The following CCDC63 variants were observed in gnomAD, a reference collection of about 807,000 sequenced individuals.
CCDC63 encodes coiled-coil domain-containing protein 63.
In CCDC63, 54 loss-of-function variants were observed where a neutral mutation model predicts 63.6. The ratio of observed to expected loss-of-function variants is 0.85; its 90% CI spans 0.68 to 1.07. The LOEUF is 1.07. CCDC63 is among the 50% of genes least tolerant of loss of function. The probability of loss-of-function intolerance (pLI) is 0.00; values close to 1 mark genes in which losing one functional copy is unlikely to be tolerated. For synonymous variants in CCDC63, 253 were observed against 266.1 expected (o/e 0.95, Z 0.48); for missense variants, 637 against 689.6 (o/e 0.92, Z 0.86).
intron 3 of CCDC63, 76 bp downstream of exon 3, chr12:110,853,650 T>G: frequency 6.4e-7 from 1 of 1,560,222 alleles, no homozygotes; most frequent in Non-Finnish European, 8.8e-7. Context: ...GCTTGTCTTC[T>G]GTTCTGTGAC....
chr12:110,852,050 G>T (rs1045038857), intron 1 of CCDC63, among the ~76,000 whole-genome samples: 1 of 152,160 alleles, frequency 6.6e-6, no homozygotes, highest in African/African-American at 2.4e-5. Context: ...AATTGGCTGT[G>T]CAGTGGGTCT....
intron 4 of CCDC63, among the ~76,000 whole-genome samples, chr12:110,866,309 C>CTTTT (rs67350855): frequency 0.029 from 3,936 of 136,988 alleles, 231 homozygotes; most frequent in African/African-American, 0.099. Flanking sequence ...TTAAGCCACT[C>CTTTT]TTTTTTTTTT....
rs1566143477 is a variant in CCDC63 at position 110,904,749 on chromosome 12, C to T, written c.1504C>T (p.Pro502Ser). The change falls in exon 11 of 12, where the codon CCA (proline) becomes TCA (serine). Residue 502 changes from proline to serine, a missense_variant. Physicochemically the swap from Pro to Ser is moderately conservative, Grantham distance 74. Transcript: ENST00000308208. ...CCCAGAACCCATCAAAGTCATCCCC[C>T]CAGTGCTGGGGGCTGACCCCTTCAG... ...KPPEPIKVIP[P>S]VLGADPFSDR... 1 of 1,613,880 alleles carries T rather than the reference C, an allele frequency of 6.2e-7. No homozygotes were observed. The highest frequency in any genetic ancestry group is 1.7e-5 in the Admixed American group (1 of 59,978).
chr12:110,900,093 G>A (rs982295095), intron 10 of CCDC63, among the ~76,000 whole-genome samples: 14 of 152,100 alleles, frequency 9.2e-5, no homozygotes, highest in African/African-American at 2.7e-4. Context: ...GTACACTGTA[G>A]TCCCAGATAC....
intron 2 of CCDC63, 97 bp from the exon 3 acceptor site, chr12:110,853,308 C>A: frequency 1.6e-6 from 2 of 1,254,656 alleles, no homozygotes; most frequent in Non-Finnish European, 2.2e-6. Flanking sequence ...TAGCCATGGC[C>A]CAGCCACCCC....
At chr12:110,861,062 G>A (rs930504149) in intron 4 of CCDC63, among the ~76,000 whole-genome samples, 2 of 152,016 alleles carry the variant, frequency 1.3e-5, no homozygotes, top group African/African-American at 2.4e-5. Flanking sequence ...AGAGAGAGAC[G>A]GGGGAGGCGC....
chr12:110,878,415 A>G (rs2071159686), intron 5 of CCDC63, among the ~76,000 whole-genome samples: 1 of 152,002 alleles, frequency 6.6e-6, no homozygotes, highest in South Asian at 2.1e-4. Flanking sequence ...CCCAGGTTCA[A>G]ATGATTCTCT....
chr12:110,871,100 AT>A (rs1219587500), intron 4 of CCDC63, among the ~76,000 whole-genome samples: 2 of 152,106 alleles, frequency 1.3e-5, no homozygotes, highest in African/African-American at 4.8e-5. Flanking sequence ...GACCTCCTAA[AT>A]ACACAGCCCA....
At chr12:110,844,648 G>C (rs1164530515), upstream of CCDC63, among the ~76,000 whole-genome samples, 1 of 152,174 alleles carries the variant, frequency 6.6e-6, no homozygotes, top group Non-Finnish European at 1.5e-5. Context: ...TAGATTCCCA[G>C]TCATTGGCAA....
chr12:110,901,576 C>A (rs542421502), intron 10 of CCDC63, among the ~76,000 whole-genome samples: 141 of 152,040 alleles, frequency 9.3e-4, no homozygotes, highest in African/African-American at 3.1e-3. Context: ...CCCCACCTCC[C>A]TCCCACCTGC....
intron 5 of CCDC63, among the ~76,000 whole-genome samples, chr12:110,876,125 G>T (rs1369954576): frequency 8.1e-5 from 12 of 148,704 alleles, no homozygotes; most frequent in Non-Finnish European, 1.0e-4. Context: ...AAAAAAAAAG[G>T]TTAGGCAGCC....
intron 4 of CCDC63, among the ~76,000 whole-genome samples, chr12:110,867,353 G>C (rs1372220463): frequency 2.7e-4 from 30 of 112,834 alleles, no homozygotes; most frequent in South Asian, 1.2e-3. Context: ...GTGGAGGGCT[G>C]ACCCCCCCAC....
chr12:110,893,231 T>C, intron 9 of CCDC63, 81 bp downstream of exon 9: 1 of 1,175,632 alleles, frequency 8.5e-7, no homozygotes, highest in South Asian at 1.3e-5. Flanking sequence ...TGTCTGTCTG[T>C]CCGTCGGGCA....
At chr12:110,880,131 C>G (rs763792776) in intron 6 of CCDC63, 44 bp downstream of exon 6, 1 of 1,562,494 alleles carries the variant, frequency 6.4e-7, no homozygotes, top group Admixed American at 1.7e-5. Flanking sequence ...CTCTTAGCCC[C>G]TTGCTGAGCA....
intron 8 of CCDC63, among the ~76,000 whole-genome samples, chr12:110,892,337 A>G (rs1262711698): frequency 1.3e-5 from 2 of 152,146 alleles, no homozygotes; most frequent in South Asian, 4.1e-4. Flanking sequence ...GCACTTTGGG[A>G]GGCTGAGGCG....
intron 9 of CCDC63, among the ~76,000 whole-genome samples, chr12:110,898,294 TA>T (rs763194550): frequency 6.7e-6 from 1 of 148,494 alleles, no homozygotes; most frequent in Non-Finnish European, 1.5e-5. Context: ...GTCTCAAAAA[TA>T]AATAAATAAA....
intron 5 of CCDC63, among the ~76,000 whole-genome samples, chr12:110,877,073 T>A (rs540423634): frequency 6.6e-6 from 1 of 152,244 alleles, no homozygotes; most frequent in South Asian, 2.1e-4. Context: ...TAATATATTA[T>A]TTGATACATG....
chr12:110,877,046 T>C (rs1344422002), intron 5 of CCDC63, among the ~76,000 whole-genome samples: 1 of 152,002 alleles, frequency 6.6e-6, no homozygotes, highest in East Asian at 1.9e-4. Flanking sequence ...AATTCTACTG[T>C]GTATATTTAA....
At position 110,889,656 on chromosome 12, in the gene CCDC63, T is replaced by C. The variant is rs1187906415; in HGVS notation, c.1075-3420T>C. Among the ~76,000 whole-genome samples the C allele has an allele frequency of 1.3e-5, 2 of 152,070 alleles. No individual in the cohort carries two copies. The highest frequency in any genetic ancestry group is 2.9e-5 in the Non-Finnish European group (2 of 68,010). ...GCTGGGCACATTTCCAGAAGAGGTT[T>C]TGGCCATTTCTCAGAGAGGCAGGGG... On this transcript the variant is annotated intron_variant, in intron 8 of 11. Transcript: ENST00000308208. The surrounding 1 kb of genome is among the most constrained non-coding windows in gnomAD (Gnocchi z 4.1).
Sources: allele counts gnomAD v4.1 joint callset (sites outside exome capture counted in the v4.1 genomes callset), GRCh38; gene constraint gnomAD v4.1.1; non-coding constraint Gnocchi (gnomAD v3.1); transcripts MANE v1.5; gene names NCBI Gene and HGNC (gene_info 2026-07-23, HGNC 2026-07-21).